The following GRID2 variants were observed in gnomAD, a reference collection of about 807,000 sequenced individuals.
GRID2 encodes glutamate ionotropic receptor delta type subunit 2.
GRID2 carries 33 observed loss-of-function variants against 114.8 expected under a neutral mutation model. That is an observed-to-expected ratio of 0.29 (90% CI 0.22 to 0.38). The LOEUF is 0.38. Among genes scored for constraint, GRID2 ranks in the 10% least tolerant of loss-of-function variants. The pLI, the probability that GRID2 is intolerant of heterozygous loss-of-function variation, is 1.00. For synonymous variants in GRID2, 505 were observed against 449.9 expected (o/e 1.12, Z -1.55); for missense variants, 1,184 against 1,257.7 (o/e 0.94, Z 0.89).
At chr4:93,170,840 A>G (rs1738740479) in intron 4 of GRID2, among the ~76,000 whole-genome samples, 1 of 150,028 alleles carries the variant, frequency 6.7e-6, no homozygotes, top group Non-Finnish European at 1.5e-5. Context: ...TTTTCCTTAG[A>G]GTCATGTTTG....
chr4:92,932,124 A>G (rs1013551989), intron 2 of GRID2, among the ~76,000 whole-genome samples: 3 of 151,334 alleles, frequency 2.0e-5, no homozygotes, highest in African/African-American at 7.3e-5. Flanking sequence ...GCATATGAAT[A>G]GATAAGAAAA....
intron 3 of GRID2, among the ~76,000 whole-genome samples, chr4:93,090,690 T>C (rs1264201159): frequency 6.6e-6 from 1 of 152,148 alleles, no homozygotes; most frequent in Non-Finnish European, 1.5e-5. Flanking sequence ...CTTAAACAGT[T>C]GAAAATTTCT....
intron 4 of GRID2, among the ~76,000 whole-genome samples, chr4:93,127,085 A>G (rs1734347070): frequency 6.6e-6 from 1 of 152,232 alleles, no homozygotes; most frequent in Admixed American, 6.5e-5. Context: ...ATAGAACAGT[A>G]TCTTAATTTC....
intron 8 of GRID2, among the ~76,000 whole-genome samples, chr4:93,369,177 G>T (rs1271195540): frequency 6.6e-6 from 1 of 152,110 alleles, no homozygotes; most frequent in African/African-American, 2.4e-5. Flanking sequence ...GAGCGTTTCA[G>T]CTTCTGTTAG....
At chr4:93,354,759 CTT>C (rs1404957808) in intron 8 of GRID2, among the ~76,000 whole-genome samples, 2 of 133,970 alleles carry the variant, frequency 1.5e-5, no homozygotes, top group Non-Finnish European at 3.2e-5. Context: ...TATATGTAGT[CTT>C]TATGTATATG....
intron 9 of GRID2, among the ~76,000 whole-genome samples, chr4:93,405,679 G>A (rs371191518): frequency 6.6e-6 from 1 of 152,036 alleles, no homozygotes; most frequent in Non-Finnish European, 1.5e-5. Context: ...TATTCTAACC[G>A]AAATTACATG....
chr4:92,473,696 C>A (rs529359023), intron 1 of GRID2, among the ~76,000 whole-genome samples: 1 of 151,944 alleles, frequency 6.6e-6, no homozygotes, highest in Non-Finnish European at 1.5e-5. Context: ...TGTTAGCTAT[C>A]GCGTTCTAAA....
At chr4:92,822,441 G>T in intron 2 of GRID2, 1 of 503,612 alleles carries the variant, frequency 2.0e-6, no homozygotes, top group Non-Finnish European at 3.9e-6. Flanking sequence ...AGGTGATAGT[G>T]TTGCTGCCGT....
At chr4:92,900,482 A>G (rs893671715) in intron 2 of GRID2, among the ~76,000 whole-genome samples, 1 of 152,104 alleles carries the variant, frequency 6.6e-6, no homozygotes, top group African/African-American at 2.4e-5. Flanking sequence ...GCTTCCTCTT[A>G]TAAGTGATTA....
At chr4:92,571,503 G>C (rs1010959109) in intron 1 of GRID2, among the ~76,000 whole-genome samples, 1 of 152,102 alleles carries the variant, frequency 6.6e-6, no homozygotes, top group Non-Finnish European at 1.5e-5. Flanking sequence ...GGATATCCAG[G>C]AATTGAACTC....
chr4:93,397,338 C>T (rs1765429137), intron 9 of GRID2, among the ~76,000 whole-genome samples: 1 of 151,850 alleles, frequency 6.6e-6, no homozygotes. Context: ...TATGCATTTA[C>T]ATTGATGCAC....
intron 12 of GRID2, among the ~76,000 whole-genome samples, chr4:93,510,325 G>T (rs1014938178): frequency 1.3e-5 from 2 of 152,162 alleles, no homozygotes; most frequent in Non-Finnish European, 2.9e-5. Context: ...AGAAGACAAA[G>T]AAGATGGAGA....
intron 2 of GRID2, among the ~76,000 whole-genome samples, chr4:92,657,175 G>A (rs1732283539): frequency 6.6e-6 from 1 of 150,714 alleles, no homozygotes; most frequent in Non-Finnish European, 1.5e-5. Context: ...AAAAGTTGGT[G>A]GTGAAAGAAG....
At chr4:93,513,057 T>G (rs1194435245) in intron 12 of GRID2, among the ~76,000 whole-genome samples, 2 of 152,264 alleles carry the variant, frequency 1.3e-5, no homozygotes, top group East Asian at 3.9e-4. Context: ...CTTCTGATCA[T>G]TATAGTTGAG....
chr4:93,078,690 TATA>T (rs1729565478), intron 2 of GRID2, among the ~76,000 whole-genome samples: 1 of 147,226 alleles, frequency 6.8e-6, no homozygotes, highest in East Asian at 2.0e-4. Flanking sequence ...ATATACTAAA[TATA>T]ATTATATTTA....
At chr4:93,362,107 A>G (rs551003711) in intron 8 of GRID2, among the ~76,000 whole-genome samples, 1 of 152,182 alleles carries the variant, frequency 6.6e-6, no homozygotes, top group African/African-American at 2.4e-5. Flanking sequence ...TCAGTGCACC[A>G]CAGGTTTCCA....
chr4:92,679,849 A>T (rs1402495365), intron 2 of GRID2, among the ~76,000 whole-genome samples: 1 of 152,006 alleles, frequency 6.6e-6, no homozygotes, highest in Non-Finnish European at 1.5e-5. Flanking sequence ...AAATTTAGAC[A>T]TATAATTGAT....
At chr4:93,297,127 A>G (rs1008472193) in intron 8 of GRID2, among the ~76,000 whole-genome samples, 4 of 152,184 alleles carry the variant, frequency 2.6e-5, no homozygotes, top group African/African-American at 9.6e-5. Context: ...AAAAAGTCTT[A>G]CTTTTTTGTC....
At chr4:93,507,233 C>T (rs1728723223) in intron 12 of GRID2, among the ~76,000 whole-genome samples, 1 of 152,104 alleles carries the variant, frequency 6.6e-6, no homozygotes, top group Non-Finnish European at 1.5e-5. Context: ...CTCTTGATAC[C>T]TTTACATTTC....
Sources: allele counts gnomAD v4.1 joint callset (sites outside exome capture counted in the v4.1 genomes callset), GRCh38; gene constraint gnomAD v4.1.1; transcripts MANE v1.5; gene names NCBI Gene and HGNC (gene_info 2026-07-23, HGNC 2026-07-21).